RYR2: variants seen among roughly 807,000 people sequenced by gnomAD.
RYR2 encodes the protein ryanodine receptor 2.
Under a neutral mutation model 601.1 loss-of-function variants are expected in RYR2, and 227 were observed. The observed-to-expected ratio is 0.38, with a 90% CI of 0.34 to 0.42. The LOEUF (loss-of-function observed/expected upper bound fraction) is 0.42, where lower values mean the gene tolerates loss of function less well. RYR2 is among the 10% of genes least tolerant of loss of function. RYR2 has a pLI of 1.00. For synonymous variants in RYR2, 2,223 were observed against 2,175.1 expected, an observed-to-expected ratio of 1.02 and a Z score of -0.61; for missense variants, 4,646 against 6,156.5, an observed-to-expected ratio of 0.75 and a Z score of 8.21.
chr1:237,593,778 T>G (rs1318148388), intron 33 of RYR2, 142 bp downstream of exon 33: 7 of 885,658 alleles, frequency 7.9e-6, no homozygotes, highest in Non-Finnish European at 1.2e-5. Flanking sequence ...TCAATGTCGT[T>G]TTTGTTATTC....
intron 10 of RYR2, among the ~76,000 whole-genome samples, chr1:237,414,704 T>C (rs756384038): frequency 7.2e-5 from 11 of 152,226 alleles, no homozygotes; most frequent in Non-Finnish European, 1.5e-4. Context: ...CTCTTCTAGC[T>C]ATTTGAAAAT....
At chr1:237,806,393 T>G (rs1660638667) in intron 99 of RYR2, 110 bp downstream of exon 99, 1 of 1,088,690 alleles carries the variant, frequency 9.2e-7, no homozygotes, top group South Asian at 1.6e-5. Context: ...AAAGATTTTT[T>G]TGAAGGGAGG....
At chr1:237,740,611 C>G (rs978156666) in intron 79 of RYR2, among the ~76,000 whole-genome samples, 1 of 152,028 alleles carries the variant, frequency 6.6e-6, no homozygotes, top group African/African-American at 2.4e-5. Flanking sequence ...TTATCTCAAT[C>G]CTTGTGTCTC....
chr1:237,718,170 A>AT (rs1689415931), intron 72 of RYR2, among the ~76,000 whole-genome samples: 1 of 152,168 alleles, frequency 6.6e-6, no homozygotes, highest in African/African-American at 2.4e-5. Context: ...ATATACTTCT[A>AT]TTTCAGCCCA....
rs531912769 is a variant in RYR2 at position 237,698,911 on chromosome 1, A to C, written c.9068-54A>C. The C allele has an allele frequency of 1.9e-5, 18 of 941,186 alleles. No homozygotes were observed. The African/African-American group carries it at 2.8e-4, about 15-fold the overall frequency. 58.3% of individuals were successfully genotyped at this position (941,186 alleles called of 1,614,324 possible). A position where few individuals can be genotyped will look rare whatever the true frequency, so the allele number is the denominator to read the frequency against. On this transcript the variant is annotated intron_variant, in intron 63 of 104. Coordinates refer to ENST00000366574, the MANE Select transcript of RYR2 (RefSeq NM_001035.3). ...CTAGCACAAATATTGGTAGAAAAGAAGAACATTGAGAAATTCTCAGGGCAA... is the reference window on the plus strand; with the variant it reads ...CTAGCACAAATATTGGTAGAAAAGACGAACATTGAGAAATTCTCAGGGCAA...
At chr1:237,099,767 G>C (rs1037247762) in intron 1 of RYR2, among the ~76,000 whole-genome samples, 3 of 152,218 alleles carry the variant, frequency 2.0e-5, no homozygotes, top group Non-Finnish European at 4.4e-5. Flanking sequence ...AGAAGGAAGA[G>C]GTGAGTATTG....
chr1:237,206,573 TTA>T (rs1295947649), intron 1 of RYR2, among the ~76,000 whole-genome samples: 2 of 152,204 alleles, frequency 1.3e-5, no homozygotes, highest in Non-Finnish European at 2.9e-5. Context: ...AAAGACTTAT[TTA>T]TATGTTTACA....
At chr1:237,622,178 A>G (rs1679144155) in intron 38 of RYR2, among the ~76,000 whole-genome samples, 1 of 152,230 alleles carries the variant, frequency 6.6e-6, no homozygotes, top group African/African-American at 2.4e-5. Context: ...AAGGAAAATT[A>G]TGGGAAAGCA....
At chr1:237,685,009 A>G (rs1177483880) in intron 62 of RYR2, among the ~76,000 whole-genome samples, 1 of 152,088 alleles carries the variant, frequency 6.6e-6, no homozygotes, top group Non-Finnish European at 1.5e-5. Context: ...AATGCCAAGT[A>G]CTGTTGACAG....
chr1:237,411,323 G>A (rs1212445652), intron 10 of RYR2, among the ~76,000 whole-genome samples: 1 of 152,096 alleles, frequency 6.6e-6, no homozygotes, highest in Non-Finnish European at 1.5e-5. Context: ...CCATTGAATT[G>A]CAGGAGGAGG....
At chr1:237,569,415 G>C in intron 29 of RYR2, 96 bp downstream of exon 29, 2 of 1,162,766 alleles carry the variant, frequency 1.7e-6, no homozygotes, top group Non-Finnish European at 2.5e-6. Context: ...TTCAGGGTGA[G>C]TGAGCAGATG....
chr1:237,159,213 C>T (rs1414452648), intron 1 of RYR2, among the ~76,000 whole-genome samples: 1 of 152,076 alleles, frequency 6.6e-6, no homozygotes, highest in Non-Finnish European at 1.5e-5. Context: ...ATCTCTTGAA[C>T]CCAGGAGGCA....
intron 1 of RYR2, among the ~76,000 whole-genome samples, chr1:237,248,297 C>G (rs1283603660): frequency 9.1e-6 from 1 of 110,166 alleles, no homozygotes; most frequent in Non-Finnish European, 1.9e-5. Flanking sequence ...CCCCCCCCCC[C>G]CCAAAAATGA....
chr1:237,581,874 C>G (rs1478255747), intron 29 of RYR2, among the ~76,000 whole-genome samples: 1 of 152,120 alleles, frequency 6.6e-6, no homozygotes, highest in Non-Finnish European at 1.5e-5. Context: ...GACTGTGAGG[C>G]CAACTTCTAT....
At chr1:237,635,897 A>C in intron 44 of RYR2, among the ~76,000 whole-genome samples, 1 of 152,126 alleles carries the variant, frequency 6.6e-6, no homozygotes, top group East Asian at 1.9e-4. Flanking sequence ...CTGCTAGTCC[A>C]ACCATCTGCA....
intron 1 of RYR2, among the ~76,000 whole-genome samples, chr1:237,103,267 G>A (rs147220150): frequency 4.6e-5 from 7 of 152,280 alleles, no homozygotes; most frequent in Non-Finnish European, 7.4e-5. Flanking sequence ...ACTGTCCTAC[G>A]TTTGGGAACC....
At chr1:237,639,944 T>C (rs2148732988) in intron 46 of RYR2, among the ~76,000 whole-genome samples, 1 of 152,192 alleles carries the variant, frequency 6.6e-6, no homozygotes, top group South Asian at 2.1e-4. Context: ...AAACTGGGCA[T>C]AGATGTTCCA....
intron 47 of RYR2, 109 bp downstream of exon 47, chr1:237,641,111 T>C (rs1573285473): frequency 4.7e-6 from 3 of 634,658 alleles, no homozygotes; most frequent in Admixed American, 3.3e-5. Context: ...TCATGCTCCA[T>C]TAAAAATAAT....
chr1:237,196,327 T>G (rs1680558382), intron 1 of RYR2, among the ~76,000 whole-genome samples: 1 of 152,218 alleles, frequency 6.6e-6, no homozygotes, highest in Non-Finnish European at 1.5e-5. Context: ...CTATGTTTTA[T>G]GGTATACCTT....
Sources: allele counts gnomAD v4.1 joint callset (sites outside exome capture counted in the v4.1 genomes callset), GRCh38; gene constraint gnomAD v4.1.1; transcripts MANE v1.5; gene names NCBI Gene and HGNC (gene_info 2026-07-23, HGNC 2026-07-21).